The following HCN1 variants were observed in gnomAD, a reference collection of about 807,000 sequenced individuals.
HCN1 encodes hyperpolarization activated cyclic nucleotide gated potassium channel 1.
In HCN1, 13 loss-of-function variants were observed where a neutral mutation model predicts 78.9. That is an observed-to-expected ratio of 0.16 (90% CI 0.11 to 0.26). The LOEUF (loss-of-function observed/expected upper bound fraction) is 0.26, where lower values mean the gene tolerates loss of function less well. HCN1 is among the 10% of genes least tolerant of loss of function. The pLI is 1.00. For missense variants in HCN1, 810 were observed against 1,154.3 expected (o/e 0.70, Z 4.32); for synonymous variants, 552 against 455.5 (o/e 1.21, Z -2.70).
At chr5:45,280,976 A>C (rs1745150102) in intron 6 of HCN1, among the ~76,000 whole-genome samples, 1 of 152,208 alleles carries the variant, frequency 6.6e-6, no homozygotes, top group East Asian at 1.9e-4. Context: ...AGGATAAAAT[A>C]GATTTCTGCT....
chr5:45,467,934 C>G (rs1308970634), intron 2 of HCN1, among the ~76,000 whole-genome samples: 2 of 152,018 alleles, frequency 1.3e-5, no homozygotes, highest in Non-Finnish European at 2.9e-5. Flanking sequence ...TCAAACACAA[C>G]TCATCGGAAC....
At chr5:45,518,821 A>T (rs1742564897) in intron 2 of HCN1, among the ~76,000 whole-genome samples, 1 of 151,998 alleles carries the variant, frequency 6.6e-6, no homozygotes, top group Non-Finnish European at 1.5e-5. Flanking sequence ...GTAAACCTGA[A>T]GAAATTAGAA....
chr5:45,515,789 G>A (rs187152420), intron 2 of HCN1, among the ~76,000 whole-genome samples: 27 of 151,956 alleles, frequency 1.8e-4, no homozygotes, highest in Admixed American at 1.6e-3. Flanking sequence ...AAGAATGCCT[G>A]CTACTGGTTT....
intron 5 of HCN1, among the ~76,000 whole-genome samples, chr5:45,333,357 T>C (rs1746385284): frequency 6.6e-6 from 1 of 151,732 alleles, no homozygotes; most frequent in African/African-American, 2.4e-5. Context: ...TCCTATAGAG[T>C]TGTTTGAGCT....
chr5:45,542,572 A>G (rs1046391738), intron 2 of HCN1, among the ~76,000 whole-genome samples: 39 of 152,166 alleles, frequency 2.6e-4, no homozygotes, highest in African/African-American at 9.4e-4. Flanking sequence ...GATGAATACT[A>G]CAGTGGTGAC....
Position 45,627,860 on chromosome 5 carries a change from T to A in HCN1, c.849+17325A>T, listed in dbSNP as rs572977109. 2.6e-5 allele frequency among the ~76,000 whole-genome samples: 4 copies of A among 152,166 alleles called. No individual in the cohort carries two copies. In the South Asian group the frequency reaches 6.2e-4, roughly 24 times the overall value. ...GAGCTTGTGTACAAGAAAAATGTCA[T>A]AACATAATCATAAATGTGGCATTTA... On this transcript the variant is annotated intron_variant, in intron 2 of 7. Coordinates refer to ENST00000303230, the MANE Select transcript of HCN1 (RefSeq NM_021072.4).
chr5:45,468,612 CATCT>C (rs1410061166), intron 2 of HCN1, among the ~76,000 whole-genome samples: 1 of 151,960 alleles, frequency 6.6e-6, no homozygotes, highest in Non-Finnish European at 1.5e-5. Flanking sequence ...ATTTTAATTT[CATCT>C]ATCTAAAACA....
chr5:45,274,174 A>G (rs1257284983), intron 6 of HCN1, among the ~76,000 whole-genome samples: 1 of 152,124 alleles, frequency 6.6e-6, no homozygotes, highest in Non-Finnish European at 1.5e-5. Context: ...AGAATACCCA[A>G]TTTTTCATTT....
chr5:45,506,542 T>C (rs1301596367), intron 2 of HCN1, among the ~76,000 whole-genome samples: 1 of 151,972 alleles, frequency 6.6e-6, no homozygotes, highest in Non-Finnish European at 1.5e-5. Context: ...AAAACACAAA[T>C]GCAAACTGGG....
chr5:45,314,447 G>C (rs1389575930), intron 5 of HCN1, among the ~76,000 whole-genome samples: 2 of 152,156 alleles, frequency 1.3e-5, no homozygotes, highest in South Asian at 2.1e-4. Context: ...GGAAGAAACT[G>C]CATCAACTAA....
chr5:45,383,522 C>T (rs1009816098), intron 4 of HCN1, among the ~76,000 whole-genome samples: 2 of 152,032 alleles, frequency 1.3e-5, no homozygotes, highest in African/African-American at 4.8e-5. Context: ...TGTTGAAATC[C>T]CATCTCTACT....
chr5:45,663,710 C>T (rs1745970898), intron 1 of HCN1, among the ~76,000 whole-genome samples: 1 of 151,998 alleles, frequency 6.6e-6, no homozygotes, highest in South Asian at 2.1e-4. Context: ...TGAAAAAATG[C>T]TCATCATCAC....
chr5:45,391,014 T>C (rs2112034878), intron 4 of HCN1, among the ~76,000 whole-genome samples: 1 of 152,208 alleles, frequency 6.6e-6, no homozygotes, highest in African/African-American at 2.4e-5. Flanking sequence ...TTGGCTCTAC[T>C]ACCAATTTAA....
At chr5:45,279,355 G>A (rs894905015) in intron 6 of HCN1, among the ~76,000 whole-genome samples, 3 of 152,142 alleles carry the variant, frequency 2.0e-5, no homozygotes, top group South Asian at 2.1e-4. Flanking sequence ...TAACTGAGGT[G>A]TGATACATCC....
At chr5:45,287,036 G>C (rs898243725) in intron 6 of HCN1, among the ~76,000 whole-genome samples, 2 of 151,130 alleles carry the variant, frequency 1.3e-5, no homozygotes, top group African/African-American at 2.5e-5. Flanking sequence ...AGTATGCTTA[G>C]AATTATTAAA....
Position 45,585,044 on chromosome 5 carries a change from T to A in HCN1, c.849+60141A>T, listed in dbSNP as rs967029790. ...TTCTCGAGCAGTATCACTGGGGCATTCTCTGTGTTTCCTGAATTTGAATGT... is the reference window on the plus strand; with the variant it reads ...TTCTCGAGCAGTATCACTGGGGCATACTCTGTGTTTCCTGAATTTGAATGT... On this transcript the variant is annotated intron_variant, in intron 2 of 7. Coordinates refer to ENST00000303230, the MANE Select transcript of HCN1 (RefSeq NM_021072.4). 6.6e-4 allele frequency among the ~76,000 whole-genome samples: 101 copies of A among 152,210 alleles called. 2 individuals carry two copies. Among genetic ancestry groups the A allele is most frequent in the Non-Finnish European group, 3.1e-4 (21 of 68,040 alleles).
chr5:45,462,183 A>T (rs1231396419), intron 2 of HCN1, among the ~76,000 whole-genome samples, 176 bp from the exon 3 acceptor site: 1 of 152,146 alleles, frequency 6.6e-6, no homozygotes, highest in Non-Finnish European at 1.5e-5. Context: ...TAAGGTTGAC[A>T]CTCCACTTTA....
At chr5:45,583,897 T>A (rs1744141661) in intron 2 of HCN1, among the ~76,000 whole-genome samples, 1 of 152,150 alleles carries the variant, frequency 6.6e-6, no homozygotes, top group South Asian at 2.1e-4. Flanking sequence ...TGAGAAACAG[T>A]TTGTTATAAT....
chr5:45,645,233 A>G lies in HCN1; in HGVS notation c.801T>C (p.Arg267=). The change falls in exon 2 of 8, where the codon CGT becomes CGC. Residue 267 remains arginine, a synonymous_variant. Transcript: ENST00000303230. The part of the protein sequence containing the change: ...VRFTKILSLL[R]LLRLSRLIRY... Reference sequence around the variant, plus strand: ...TAATTAACCTTGAAAGTCGTAATAAACGCAAGAGACTGAGAATTTTTGTAA... The same window carrying G: ...TAATTAACCTTGAAAGTCGTAATAAGCGCAAGAGACTGAGAATTTTTGTAA... The G allele has an allele frequency of 6.2e-7, 1 of 1,613,618 alleles. No homozygotes were observed. Among genetic ancestry groups the G allele is most frequent in the Non-Finnish European group, 8.5e-7 (1 of 1,179,784 alleles).
Sources: gnomAD v4.1 joint callset for allele counts (sites outside exome capture counted in the v4.1 genomes callset) on GRCh38, gnomAD v4.1.1 for gene constraint, MANE v1.5 for transcripts, NCBI Gene and HGNC (gene_info 2026-07-23, HGNC 2026-07-21) for gene names.